Variants in SENP2 observed in about 807,000 individuals in gnomAD.
SENP2 encodes the protein sentrin-specific protease 2.
SENP2 carries 16 observed loss-of-function variants against 86.3 expected under a neutral mutation model. That is an observed-to-expected ratio of 0.19 (90% CI 0.13 to 0.28). SENP2 has a LOEUF of 0.28. Among genes scored for constraint, SENP2 ranks in the 10% least tolerant of loss-of-function variants. SENP2 has a pLI of 1.00. For missense variants in SENP2, 552 were observed against 703.0 expected, an observed-to-expected ratio of 0.79 and a Z score of 2.43; for synonymous variants, 222 against 238.7, an observed-to-expected ratio of 0.93 and a Z score of 0.64.
chr3:185,620,321 C>G (rs1053080509), intron 13 of SENP2, among the ~76,000 whole-genome samples: 3 of 152,152 alleles, frequency 2.0e-5, no homozygotes, highest in African/African-American at 2.4e-5. Context: ...AAGCAGTCCT[C>G]CCACCTCAGC....
intron 3 of SENP2, 116 bp downstream of exon 3, chr3:185,598,661 G>T (rs1283887886): frequency 9.4e-7 from 1 of 1,061,234 alleles, no homozygotes. Flanking sequence ...AGAAATATCT[G>T]TATCTTTATT....
chr3:185,618,126 T>G (rs1240050921), intron 12 of SENP2, among the ~76,000 whole-genome samples: 1 of 152,308 alleles, frequency 6.6e-6, no homozygotes, highest in East Asian at 1.9e-4. Flanking sequence ...GTATTTTTAG[T>G]AGAGACAGGG....
In SENP2 at chr3:185,616,035, G is replaced by A. The variant is rs773420335; in HGVS notation, c.1110+1295G>A. ...GTGCCACCACGCCCAGCTAATTTTT[G>A]TATTTTTAGTAGAGATGGGGTTTCA... is the stretch of plus-strand genomic sequence containing the variant. On this transcript the variant is annotated intron_variant, in intron 11 of 16. Coordinates refer to ENST00000296257, the MANE Select transcript of SENP2 (RefSeq NM_021627.3). Among the ~76,000 whole-genome samples the A allele has an allele frequency of 9.9e-5, 15 of 151,296 alleles. No homozygotes were observed. The South Asian group carries it at 2.1e-3, about 21-fold the overall frequency.
intron 16 of SENP2, among the ~76,000 whole-genome samples, chr3:185,628,711 G>C (rs1289826842): frequency 2.6e-5 from 4 of 151,984 alleles, no homozygotes; most frequent in African/African-American, 9.7e-5. Flanking sequence ...TCTCCATGTT[G>C]GTCAGGCTGG....
chr3:185,592,695 C>T (rs908908020), intron 2 of SENP2, among the ~76,000 whole-genome samples: 2 of 151,544 alleles, frequency 1.3e-5, no homozygotes, highest in Non-Finnish European at 2.9e-5. Context: ...CGGCCCACTG[C>T]AACCTCCGCC....
Position 185,617,520 on chromosome 3 carries a change from C to T in SENP2, c.1151C>T (p.Pro384Leu), listed in dbSNP as rs1277913990. The change falls in exon 12 of 17, where the codon CCA (proline) becomes CTA (leucine). Residue 384 changes from proline (P) to leucine (L), a missense_variant. Transcript: ENST00000296257. ...KEISNALGHG[P>L]QDEILSSAFK... ...ATCAGTAATGCCCTAGGCCATGGCCCACAGGATGAAATCCTAAGTAGTGCT... is the reference window on the plus strand; with the variant it reads ...ATCAGTAATGCCCTAGGCCATGGCCTACAGGATGAAATCCTAAGTAGTGCT... 7 of 1,613,670 alleles carry T rather than the reference C, an allele frequency of 4.3e-6. No homozygotes were observed. The African/African-American group carries it at 5.3e-5, about 12-fold the overall frequency.
chr3:185,590,867 CAAA>C (rs1196821162), intron 2 of SENP2, among the ~76,000 whole-genome samples: 169 of 13,464 alleles, frequency 0.013, no homozygotes, highest in African/African-American at 0.047. Context: ...CACTCCATCT[CAAA>C]AAAAAAAAAA....
At chr3:185,627,260 G>C (rs1712193024) in intron 16 of SENP2, among the ~76,000 whole-genome samples, 1 of 152,050 alleles carries the variant, frequency 6.6e-6, no homozygotes, top group Admixed American at 6.6e-5. Flanking sequence ...GGCATTCATT[G>C]GTTCCTGTGT....
At chr3:185,601,200 A>G (rs1189687801) in intron 5 of SENP2, among the ~76,000 whole-genome samples, 1 of 151,554 alleles carries the variant, frequency 6.6e-6, no homozygotes, top group Non-Finnish European at 1.5e-5. Flanking sequence ...CCCCCACACC[A>G]TGCCCGGCTA....
chr3:185,614,607 C>T lies in SENP2; in HGVS notation c.977C>T (p.Ser326Leu), dbSNP rs762581820. ...QLEPDLSEEVSARLRLGSGSN... is the reference protein window; with the variant it reads ...QLEPDLSEEVLARLRLGSGSN... The stretch of plus-strand genomic sequence containing the variant: ...GAGCCTGACCTATCAGAAGAAGTGT[C>T]GGCCCGACTCCGCCTGGGCAGTGGA... Residue 326 changes from serine (S) to leucine (L), a missense_variant, in exon 11 of 17, where the codon TCG becomes TTG. Around this residue, in one of 2 missense-constraint regions of SENP2, gnomAD observed 383 missense variants for 427.3 expected, o/e 0.90. Transcript: ENST00000296257. The T allele has an allele frequency of 1.1e-5, 17 of 1,613,938 alleles. No homozygotes were observed. Among genetic ancestry groups the T allele is most frequent in the East Asian group, 2.2e-5 (1 of 44,880 alleles).
At position 185,586,530 on chromosome 3, in the gene SENP2, G is replaced by C. The variant is rs1355028065; in HGVS notation, c.101+16G>C. The C allele has an allele frequency of 6.2e-7, 1 of 1,607,016 alleles. No homozygotes were observed. Among genetic ancestry groups the C allele is most frequent in the African/African-American group, 1.3e-5 (1 of 74,864 alleles). On this transcript the variant is annotated intron_variant, in intron 1 of 16. Transcript: ENST00000296257. The surrounding 1 kb of genome is among the most constrained non-coding windows in gnomAD (Gnocchi z 4.3). ...GCTCAGACAGGTGAGACGAGAGGGG[G>C]CTGAGCGCCAGCCTGGCCTTACCCC...
intron 5 of SENP2, among the ~76,000 whole-genome samples, chr3:185,604,541 A>G (rs1328333018): frequency 6.6e-6 from 1 of 151,904 alleles, no homozygotes; most frequent in African/African-American, 2.4e-5. Flanking sequence ...GGATTTCTCT[A>G]TTTCTCCTTC....
At chr3:185,625,580 T>C (rs1012188714) in intron 15 of SENP2, among the ~76,000 whole-genome samples, 1 of 152,100 alleles carries the variant, frequency 6.6e-6, no homozygotes, top group Non-Finnish European at 1.5e-5. Context: ...AGGTGTGAGC[T>C]CAGTGGGGTT....
At chr3:185,621,176 AAG>A (rs1176496397) in intron 13 of SENP2, among the ~76,000 whole-genome samples, 1 of 146,524 alleles carries the variant, frequency 6.8e-6, no homozygotes. Flanking sequence ...AAAAAAAAAA[AAG>A]AGAGAGAGAA....
chr3:185,624,216 T>C, intron 15 of SENP2, 134 bp downstream of exon 15: 1 of 588,380 alleles, frequency 1.7e-6, no homozygotes, highest in Non-Finnish European at 2.9e-6. Flanking sequence ...TTTCTTTCTT[T>C]CTTTTTTGTA....
rs1712515522 is a variant in SENP2 at position 185,632,244 on chromosome 3, T to TTTTTTTTTTTTTTTTTTTTTTTTTTTG, written c.*2411_*2412insTTTTTTTTTTTTTTTGTTTTTTTTTTT. The TTTTTTTTTTTTTTTTTTTTTTTTTTTG allele has an allele frequency of 1.5e-5, 2 of 131,260 alleles. No homozygotes were observed. The highest frequency in any genetic ancestry group is 3.2e-5 in the Non-Finnish European group (2 of 62,904). The allele number at this position is 131,260 out of a possible 1,614,324, so 8.1% of individuals were successfully genotyped here. ...TTTTTGTTTTTTTTTTTTGTTTTTT[T>TTTTTTTTTTTTTTTTTTTTTTTTTTTG]TTTTTTTTTTTGCGACAGAGTCTCT... On this transcript the variant is annotated 3_prime_UTR_variant, in exon 17 of 17. Coordinates refer to ENST00000296257, the MANE Select transcript of SENP2 (RefSeq NM_021627.3).
intron 13 of SENP2, among the ~76,000 whole-genome samples, chr3:185,621,064 G>A (rs1711844492): frequency 6.7e-6 from 1 of 148,890 alleles, no homozygotes; most frequent in Non-Finnish European, 1.5e-5. Context: ...AGGCTGAGGT[G>A]GAAGATTCCC....
intron 16 of SENP2, among the ~76,000 whole-genome samples, chr3:185,626,799 A>G (rs1437110063): frequency 7.1e-6 from 1 of 141,128 alleles, no homozygotes; most frequent in African/African-American, 2.6e-5. Flanking sequence ...AATAAATAGT[A>G]GTAGCTGGGC....
intron 13 of SENP2, among the ~76,000 whole-genome samples, chr3:185,621,057 C>A (rs1184768073): frequency 1.4e-5 from 2 of 147,362 alleles, no homozygotes; most frequent in East Asian, 4.2e-4. Context: ...CTGTGAGAGG[C>A]TGAGGTGGAA....
Sources: gnomAD v4.1 joint callset for allele counts (sites outside exome capture counted in the v4.1 genomes callset) on GRCh38, gnomAD v4.1.1 for gene constraint, gnomAD v4.1.1 regional missense constraint, Gnocchi (gnomAD v3.1) non-coding constraint, MANE v1.5 for transcripts, NCBI Gene and HGNC (gene_info 2026-07-23, HGNC 2026-07-21) for gene names.